The following CTTNBP2NL variants were observed in gnomAD, a reference collection of about 807,000 sequenced individuals.
CTTNBP2NL encodes CTTNBP2 N-terminal-like protein.
Under a neutral mutation model 32.5 loss-of-function variants are expected in CTTNBP2NL, and 16 were observed. That is an observed-to-expected ratio of 0.49 (90% CI 0.33 to 0.75). The LOEUF (loss-of-function observed/expected upper bound fraction) is 0.75. CTTNBP2NL is among the 30% of genes least tolerant of loss of function. CTTNBP2NL has a pLI of 0.02. For missense variants in CTTNBP2NL, 645 were observed against 756.0 expected, an observed-to-expected ratio of 0.85 and a Z score of 1.72; for synonymous variants, 298 against 289.4, an observed-to-expected ratio of 1.03 and a Z score of -0.30.
chr1:112,437,215 C>T (rs1649760331), intron 3 of CTTNBP2NL, among the ~76,000 whole-genome samples: 1 of 152,138 alleles, frequency 6.6e-6, no homozygotes, highest in South Asian at 2.1e-4. Flanking sequence ...GACTACTTTC[C>T]ACAATGGTTG....
chr1:112,434,959 A>G (rs558764407), intron 3 of CTTNBP2NL, among the ~76,000 whole-genome samples: 1 of 152,138 alleles, frequency 6.6e-6, no homozygotes, highest in South Asian at 2.1e-4. Flanking sequence ...CTTGGCCAAC[A>G]TGGCAAAACC....
chr1:112,430,209 T>TTCTTG (rs1649525074), intron 3 of CTTNBP2NL, among the ~76,000 whole-genome samples: 1 of 39,396 alleles, frequency 2.5e-5, no homozygotes, highest in Non-Finnish European at 1.0e-4. Flanking sequence ...TTCTTTTCTT[T>TTCTTG]TCTTTTCTTT....
intron 3 of CTTNBP2NL, 65 bp from the exon 4 acceptor site, chr1:112,448,877 T>C: frequency 3.4e-6 from 3 of 893,934 alleles, no homozygotes; most frequent in East Asian, 2.4e-5. Flanking sequence ...AACCACTGGA[T>C]AGCAAATCCC....
intron 3 of CTTNBP2NL, 151 bp downstream of exon 3, chr1:112,416,415 G>A: frequency 1.8e-6 from 1 of 545,712 alleles, no homozygotes; most frequent in Non-Finnish European, 3.2e-6. Context: ...CCTACATTGT[G>A]TGTTATTAGG....
At chr1:112,437,506 T>G (rs1460979834) in intron 3 of CTTNBP2NL, among the ~76,000 whole-genome samples, 18 of 152,102 alleles carry the variant, frequency 1.2e-4, no homozygotes, top group Non-Finnish European at 2.9e-5. Flanking sequence ...TAAAGTTGTT[T>G]GAGTTCCTTT....
intron 1 of CTTNBP2NL, among the ~76,000 whole-genome samples, chr1:112,399,809 C>T (rs987449734): frequency 6.6e-6 from 1 of 152,160 alleles, no homozygotes; most frequent in Non-Finnish European, 1.5e-5. Context: ...TGGCTCACAC[C>T]TGTAATCCCA....
intron 2 of CTTNBP2NL, among the ~76,000 whole-genome samples, chr1:112,413,797 C>T (rs1297090768): frequency 6.6e-6 from 1 of 151,984 alleles, no homozygotes; most frequent in African/African-American, 2.4e-5. Flanking sequence ...CCTTTAATCT[C>T]AGCACTTTGA....
At chr1:112,442,599 A>T (rs989734536) in intron 3 of CTTNBP2NL, among the ~76,000 whole-genome samples, 1 of 152,198 alleles carries the variant, frequency 6.6e-6, no homozygotes, top group African/African-American at 2.4e-5. Context: ...AAGAAAAAAA[A>T]ATCTCAACAC....
intron 1 of CTTNBP2NL, among the ~76,000 whole-genome samples, chr1:112,410,719 T>G (rs1175630): frequency 6.6e-6 from 1 of 152,102 alleles, no homozygotes; most frequent in African/African-American, 2.4e-5. Context: ...ATGATCTTGC[T>G]CTTCGGAGTT....
intron 4 of CTTNBP2NL, among the ~76,000 whole-genome samples, chr1:112,450,071 G>C (rs1309478973): frequency 6.6e-6 from 1 of 152,230 alleles, no homozygotes; most frequent in African/African-American, 2.4e-5. Context: ...AGTGCATTTG[G>C]TAGGAAACAT....
chr1:112,453,214 C>CA, intron 4 of CTTNBP2NL, among the ~76,000 whole-genome samples: 1 of 152,040 alleles, frequency 6.6e-6, no homozygotes, highest in South Asian at 2.1e-4. Flanking sequence ...CTCTGCCTCC[C>CA]AAAAGTGCTG....
At chr1:112,413,621 G>A (rs1648951761) in intron 2 of CTTNBP2NL, among the ~76,000 whole-genome samples, 1 of 151,998 alleles carries the variant, frequency 6.6e-6, no homozygotes. Flanking sequence ...ATAAAGTGTA[G>A]CTTTATTAGG....
Position 112,460,002 on chromosome 1 carries a change from T to A in CTTNBP2NL, c.*2590T>A, listed in dbSNP as rs1479262377. 1 of 152,152 alleles carries A rather than the reference T, an allele frequency of 6.6e-6. No homozygotes were observed. Among genetic ancestry groups the A allele is most frequent in the Non-Finnish European group, 1.5e-5 (1 of 68,018 alleles). The allele number at this position is 152,152 out of a possible 1,614,324, so 9.4% of individuals were successfully genotyped here. On this transcript the variant is annotated 3_prime_UTR_variant, in exon 6 of 6. Coordinates refer to ENST00000271277, the MANE Select transcript of CTTNBP2NL (RefSeq NM_018704.3). Reference sequence around the variant, plus strand: ...CAATAACCCAGTTAGGTATTATAGATTAGTATTTAAGTTTGCTGTAGATTG... The same window carrying A: ...CAATAACCCAGTTAGGTATTATAGAATAGTATTTAAGTTTGCTGTAGATTG...
intron 2 of CTTNBP2NL, among the ~76,000 whole-genome samples, chr1:112,412,608 CTTTTT>C (rs35667800): frequency 1.1e-5 from 1 of 88,920 alleles, no homozygotes; most frequent in Non-Finnish European, 2.0e-5. Flanking sequence ...GAGTTGGTAC[CTTTTT>C]TTTTTTTTTT....
At chr1:112,420,436 C>G (rs1369731836) in intron 3 of CTTNBP2NL, among the ~76,000 whole-genome samples, 1 of 152,030 alleles carries the variant, frequency 6.6e-6, no homozygotes, top group Non-Finnish European at 1.5e-5. Context: ...AGCCACCACA[C>G]CCAGCCTGGA....
intron 4 of CTTNBP2NL, among the ~76,000 whole-genome samples, chr1:112,450,848 C>A (rs1460196062): frequency 6.8e-6 from 1 of 148,050 alleles, no homozygotes; most frequent in African/African-American, 2.5e-5. Context: ...CTCACTGCAA[C>A]CACCACCTCC....
At chr1:112,455,835 T>C in intron 5 of CTTNBP2NL, 96 bp from the exon 6 acceptor site, 3 of 817,510 alleles carry the variant, frequency 3.7e-6, no homozygotes, top group Non-Finnish European at 5.7e-6. Context: ...AGCACTGTGA[T>C]GTGCATGTTA....
At chr1:112,391,224 G>C (rs1001512251), upstream of CTTNBP2NL, among the ~76,000 whole-genome samples, 3 of 152,230 alleles carry the variant, frequency 2.0e-5, no homozygotes, top group Non-Finnish European at 4.4e-5. Context: ...CCGGGGCTTG[G>C]AGAGCCCTCT....
chr1:112,411,330 A>G (rs1648857632), intron 1 of CTTNBP2NL, among the ~76,000 whole-genome samples: 1 of 152,252 alleles, frequency 6.6e-6, no homozygotes, highest in Non-Finnish European at 1.5e-5. Context: ...ACATTTTATC[A>G]AATAAAATTT....
Sources: allele counts gnomAD v4.1 joint callset (sites outside exome capture counted in the v4.1 genomes callset), GRCh38; gene constraint gnomAD v4.1.1; transcripts MANE v1.5; gene names NCBI Gene and HGNC (gene_info 2026-07-23, HGNC 2026-07-21).